GDF7: variants seen among roughly 807,000 people sequenced by gnomAD.
GDF7 encodes growth/differentiation factor 7.
Under a neutral mutation model 13.4 loss-of-function variants are expected in GDF7, and 12 were observed. The observed-to-expected ratio is 0.90, with a 90% confidence interval of 0.57 to 1.45. The LOEUF is 1.45. Ranked by LOEUF, GDF7 falls within the 40% of genes most tolerant of loss-of-function variation. The pLI, the probability that GDF7 is intolerant of heterozygous loss-of-function variation, is 0.00. For synonymous variants in GDF7, 330 were observed against 306.4 expected, an observed-to-expected ratio of 1.08 and a Z score of -0.80; for missense variants, 651 against 652.4, an observed-to-expected ratio of 1.00 and a Z score of 0.02.
chr2:20,670,520 G>A lies in GDF7; in HGVS notation c.448G>A (p.Asp150Asn). 10 of 1,597,284 alleles carry A rather than the reference G, an allele frequency of 6.3e-6. 1 individual carries two copies. The highest frequency in any genetic ancestry group is 4.5e-5 in the South Asian group (4 of 88,218). The change falls in exon 2 of 2, where the codon GAC becomes AAC. Residue 150 changes from aspartate to asparagine, a missense_variant. Asp to Asn is a conservative substitution (Grantham distance 23). This residue lies in a region of GDF7 where 487 missense variants were observed against 445.9 expected (regional missense o/e 1.09). Coordinates refer to ENST00000272224, the MANE Select transcript of GDF7 (RefSeq NM_182828.4). ...SFLFDVSSLN[D>N]ADEVVGAELR... Reference sequence around the variant, plus strand: ...CCTGTTCGACGTGTCCAGCCTTAACGACGCAGACGAGGTGGTGGGTGCCGA... The same window carrying A: ...CCTGTTCGACGTGTCCAGCCTTAACAACGCAGACGAGGTGGTGGGTGCCGA...
chr2:20,672,154 C>T lies in GDF7; in HGVS notation c.*729C>T, dbSNP rs1453599241. The T allele has an allele frequency of 2.3e-5, 3 of 130,622 alleles. No homozygotes were observed. The highest frequency in any genetic ancestry group is 7.6e-5 in the Admixed American group (1 of 13,194). The allele number at this position is 130,622 out of a possible 1,614,324, so 8.1% of individuals were successfully genotyped here. A position where few individuals can be genotyped will look rare whatever the true frequency, so the allele number is the denominator to read the frequency against. On this transcript the variant is annotated 3_prime_UTR_variant, in exon 2 of 2. Coordinates refer to ENST00000272224, the MANE Select transcript of GDF7 (RefSeq NM_182828.4). ...TTTTTTTTTTTTTTTTTAATCAATT[C>T]CAATAGGAAATGTTATGGAAAGTGG...
chr2:20,670,406 G>A, intron 1 of GDF7, 58 bp from the exon 2 acceptor site: 1 of 1,445,222 alleles, frequency 6.9e-7, no homozygotes, highest in Non-Finnish European at 9.1e-7. Context: ...CGCGCTGACA[G>A]TGTGCAGGAT....
Position 20,673,348 on chromosome 2 carries a change from C to T in GDF7, c.*1923C>T, listed in dbSNP as rs900827251. ...TTCAGGTTAAAAATTTTAAAAATAT[C>T]CAAAAGTGGCTGCTCTGGTACAATT... On this transcript the variant is annotated 3_prime_UTR_variant, in exon 2 of 2. Coordinates refer to ENST00000272224, the MANE Select transcript of GDF7 (RefSeq NM_182828.4). The T allele has an allele frequency of 6.6e-6, 1 of 152,054 alleles. No individual in the cohort carries two copies. Among genetic ancestry groups the T allele is most frequent in the African/African-American group, 2.4e-5 (1 of 41,398 alleles). 9.4% of individuals were successfully genotyped at this position (152,054 alleles called of 1,614,324 possible).
rs1662129569 is a variant in GDF7, at chr2:20,671,636, C to A, written c.*211C>A. 8.5e-6 allele frequency: 5 copies of A among 590,208 alleles called. No homozygotes were observed. In the South Asian group the frequency reaches 1.0e-4, roughly 12 times the overall value. The allele number at this position is 590,208 out of a possible 1,614,324, so 36.6% of individuals were successfully genotyped here. A position where few individuals can be genotyped will look rare whatever the true frequency, so the allele number is the denominator to read the frequency against. On this transcript the variant is annotated 3_prime_UTR_variant, in exon 2 of 2. Coordinates refer to ENST00000272224, the MANE Select transcript of GDF7 (RefSeq NM_182828.4). The stretch of plus-strand genomic sequence containing the variant: ...ATGTGAAAGCCTTGGGAAGAGATGA[C>A]CTGCCGGTACCGAATGTCAAAGCCC...
chr2:20,671,224 C>T lies in GDF7; in HGVS notation c.1152C>T (p.Phe384=), dbSNP rs1469601549. 6.2e-7 allele frequency: 1 copy of T among 1,613,898 alleles called. No homozygotes were observed. The highest frequency in any genetic ancestry group is 1.7e-5 in the Admixed American group (1 of 60,008). ...ACCACTGCGAGGGCCTTTGCGACTT[C>T]CCTTTGCGTTCGCACCTCGAGCCCA... ...EAYHCEGLCD[F]PLRSHLEPTN... The change falls in exon 2 of 2, where the codon TTC becomes TTT. Residue 384 remains phenylalanine (F), a synonymous_variant. Transcript: ENST00000272224.
chr2:20,668,488 T>TA (rs2149310551), intron 1 of GDF7, among the ~76,000 whole-genome samples: 1 of 152,302 alleles, frequency 6.6e-6, no homozygotes, highest in Admixed American at 6.5e-5. Flanking sequence ...AGCAGACAGA[T>TA]AGAGAAAATT....
At position 20,671,558 on chromosome 2, in the gene GDF7, C is replaced by A; in HGVS notation, c.*133C>A. On this transcript the variant is annotated 3_prime_UTR_variant, in exon 2 of 2. Coordinates refer to ENST00000272224, the MANE Select transcript of GDF7 (RefSeq NM_182828.4). Reference sequence around the variant, plus strand: ...ACCCTCTCAGAGGAGGGAGAGCACACGTTCACACTCACACACACTCGTGCA... The same window carrying A: ...ACCCTCTCAGAGGAGGGAGAGCACAAGTTCACACTCACACACACTCGTGCA... The A allele has an allele frequency of 1.2e-6, 1 of 830,924 alleles. No homozygotes were observed. The highest frequency in any genetic ancestry group is 1.9e-6 in the Non-Finnish European group (1 of 534,140). 51.5% of individuals were successfully genotyped at this position (830,924 alleles called of 1,614,324 possible). A position where few individuals can be genotyped will look rare whatever the true frequency, so the allele number is the denominator to read the frequency against.
In GDF7 at chr2:20,667,719, G is replaced by C; in HGVS notation, c.391+89G>C. The C allele has an allele frequency of 2.8e-6, 3 of 1,054,874 alleles. No individual in the cohort carries two copies. The highest frequency in any genetic ancestry group is 3.7e-6 in the Non-Finnish European group (3 of 816,086). The allele number at this position is 1,054,874 out of a possible 1,614,324, so 65.3% of individuals were successfully genotyped here. A position where few individuals can be genotyped will look rare whatever the true frequency, so the allele number is the denominator to read the frequency against. On this transcript the variant is annotated intron_variant, in intron 1 of 1. Transcript: ENST00000272224. This position sits in a 1 kb window ranked among gnomAD's most constrained non-coding sequence, Gnocchi z 6.4. ...CCGTGCCGCAGCTCCGTTACATTTG[G>C]AGCCGCGGCCCCATGCGGCCCACCC...
At position 20,677,618 on chromosome 2, in the gene GDF7, C is replaced by T. The variant is rs1177147127; in HGVS notation, c.*6193C>T. On this transcript the variant is annotated 3_prime_UTR_variant, in exon 2 of 2. Coordinates refer to ENST00000272224, the MANE Select transcript of GDF7 (RefSeq NM_182828.4). Reference sequence around the variant, plus strand: ...CTTCCGAGTAAGGTTCGTTAACAGGCATCCTGCTGAATTAGAAGGAAACAG... The same window carrying T: ...CTTCCGAGTAAGGTTCGTTAACAGGTATCCTGCTGAATTAGAAGGAAACAG... The T allele has an allele frequency of 6.6e-6, 1 of 152,282 alleles. No homozygotes were observed. Among genetic ancestry groups the T allele is most frequent in the Admixed American group, 6.5e-5 (1 of 15,292 alleles). The allele number at this position is 152,282 out of a possible 1,614,324, so 9.4% of individuals were successfully genotyped here.
Position 20,667,507 on chromosome 2 carries a change from C to A in GDF7, c.268C>A (p.His90Asn), listed in dbSNP as rs1695987827. Reference protein sequence around the residue: ...GFRNGSVVPHHFMMSLYRSLA... With the variant: ...GFRNGSVVPHNFMMSLYRSLA... ...CAGGAACGGCTCGGTGGTGCCGCAC[C>A]ACTTCATGATGTCGCTTTACCGGAG... The change falls in exon 1 of 2, where the codon CAC becomes AAC. Residue 90 changes from histidine (H) to asparagine (N), a missense_variant. Transcript: ENST00000272224. This position sits in a 1 kb window ranked among gnomAD's most constrained non-coding sequence, Gnocchi z 6.4. 2.2e-6 allele frequency: 3 copies of A among 1,379,026 alleles called. No individual in the cohort carries two copies. The highest frequency in any genetic ancestry group is 2.8e-6 in the Non-Finnish European group (3 of 1,069,686). The allele number at this position is 1,379,026 out of a possible 1,614,324, so 85.4% of individuals were successfully genotyped here. A position where few individuals can be genotyped will look rare whatever the true frequency, so the allele number is the denominator to read the frequency against.
At position 20,675,252 on chromosome 2, in the gene GDF7, A is replaced by C. The variant is rs1225007204; in HGVS notation, c.*3827A>C. On this transcript the variant is annotated 3_prime_UTR_variant, in exon 2 of 2. Transcript: ENST00000272224. ...TGAGTCAGATCGCGCAGTGAGCTGG[A>C]GGGAGCGAGGCTCTGAAAGCAGCAG... is the stretch of plus-strand genomic sequence containing the variant. The C allele has an allele frequency of 6.8e-6, 1 of 147,732 alleles. No homozygotes were observed. Among genetic ancestry groups the C allele is most frequent in the Non-Finnish European group, 1.5e-5 (1 of 65,878 alleles). The allele number at this position is 147,732 out of a possible 1,614,324, so 9.2% of individuals were successfully genotyped here. A position where few individuals can be genotyped will look rare whatever the true frequency, so the allele number is the denominator to read the frequency against.
At position 20,677,266 on chromosome 2, in the gene GDF7, G is replaced by A. The variant is rs1662246980; in HGVS notation, c.*5841G>A. 6.6e-6 allele frequency: 1 copy of A among 152,258 alleles called. No individual in the cohort carries two copies. The highest frequency in any genetic ancestry group is 6.5e-5 in the Admixed American group (1 of 15,282). 9.4% of individuals were successfully genotyped at this position (152,258 alleles called of 1,614,324 possible). A position where few individuals can be genotyped will look rare whatever the true frequency, so the allele number is the denominator to read the frequency against. On this transcript the variant is annotated 3_prime_UTR_variant, in exon 2 of 2. Transcript: ENST00000272224. ...TTTTCTATGTCAGTAAGGGGATGCT[G>A]AAATAAACTGTCTAGAAAAACAAGA...
In GDF7 at chr2:20,667,508, A is replaced by G. The variant is rs761324069; in HGVS notation, c.269A>G (p.His90Arg). Residue 90 changes from histidine (H) to arginine (R), a missense_variant, in exon 1 of 2, where the codon CAC becomes CGC. Around this residue, in one of 4 missense-constraint regions of GDF7, gnomAD observed 487 missense variants for 445.9 expected, o/e 1.09. Coordinates refer to ENST00000272224, the MANE Select transcript of GDF7 (RefSeq NM_182828.4). The surrounding 1 kb of genome is among the most constrained non-coding windows in gnomAD (Gnocchi z 6.4). ...GFRNGSVVPH[H>R]FMMSLYRSLA... ...AGGAACGGCTCGGTGGTGCCGCACCACTTCATGATGTCGCTTTACCGGAGC... is the reference window on the plus strand; with the variant it reads ...AGGAACGGCTCGGTGGTGCCGCACCGCTTCATGATGTCGCTTTACCGGAGC... The G allele has an allele frequency of 5.8e-5, 80 of 1,379,210 alleles. No individual in the cohort carries two copies. Among genetic ancestry groups the G allele is most frequent in the Non-Finnish European group, 7.0e-5 (75 of 1,070,550 alleles). The allele number at this position is 1,379,210 out of a possible 1,614,324, so 85.4% of individuals were successfully genotyped here.
chr2:20,670,354 C>G (rs1662093255), intron 1 of GDF7, 110 bp from the exon 2 acceptor site: 1 of 1,211,912 alleles, frequency 8.3e-7, no homozygotes, highest in Non-Finnish European at 1.1e-6. Context: ...AGGCCTGGCT[C>G]CCACATCGAA....
In GDF7 at chr2:20,667,185, G is replaced by T; in HGVS notation, c.-55G>T. The stretch of plus-strand genomic sequence containing the variant: ...AACACTATGTTCAAAAGGCGCCGGG[G>T]GACTTCCCGGAGCCACGGAGCCCGC... On this transcript the variant is annotated 5_prime_UTR_variant, in exon 1 of 2. Transcript: ENST00000272224. This position sits in a 1 kb window ranked among gnomAD's most constrained non-coding sequence, Gnocchi z 6.4. 9.0e-7 allele frequency: 1 copy of T among 1,110,382 alleles called. No individual in the cohort carries two copies. The allele number at this position is 1,110,382 out of a possible 1,614,324, so 68.8% of individuals were successfully genotyped here. A position where few individuals can be genotyped will look rare whatever the true frequency, so the allele number is the denominator to read the frequency against.
Position 20,671,149 on chromosome 2 carries a change from G to A in GDF7, c.1077G>A (p.Lys359=). Reference sequence around the variant, plus strand: ...GCAAGCCGTTGCACGTGGACTTCAAGGAGCTCGGCTGGGACGACTGGATCA... The same window carrying A: ...GCAAGCCGTTGCACGTGGACTTCAAAGAGCTCGGCTGGGACGACTGGATCA... ...CSRKPLHVDF[K]ELGWDDWIIA... The change falls in exon 2 of 2, where the codon AAG becomes AAA. Residue 359 remains lysine (K), a synonymous_variant. Transcript: ENST00000272224. 1.2e-6 allele frequency: 2 copies of A among 1,612,870 alleles called. No individual in the cohort carries two copies. The highest frequency in any genetic ancestry group is 2.2e-5 in the South Asian group (2 of 91,052).
chr2:20,670,748 C>A lies in GDF7; in HGVS notation c.676C>A (p.Pro226Thr). ...AMRRHRREPRPPRAFCLLLRA... is the reference protein window; with the variant it reads ...AMRRHRREPRTPRAFCLLLRA... ...GAGGCGCCACCGTCGTGAACCGCGCCCCCCCCGCGCGTTCTGCCTCTTGCT... is the reference window on the plus strand; with the variant it reads ...GAGGCGCCACCGTCGTGAACCGCGCACCCCCCGCGCGTTCTGCCTCTTGCT... The change falls in exon 2 of 2, where the codon CCC becomes ACC. Residue 226 changes from proline (P) to threonine (T), a missense_variant. By Grantham distance (38) the Pro-to-Thr change is conservative. Around this residue, in one of 4 missense-constraint regions of GDF7, gnomAD observed 487 missense variants for 445.9 expected, o/e 1.09. Transcript: ENST00000272224. The A allele has an allele frequency of 1.3e-6, 2 of 1,482,946 alleles. No homozygotes were observed. The highest frequency in any genetic ancestry group is 1.8e-6 in the Non-Finnish European group (2 of 1,122,592). 91.9% of individuals were successfully genotyped at this position (1,482,946 alleles called of 1,614,324 possible).
At position 20,670,917 on chromosome 2, in the gene GDF7, G is replaced by C. The variant is rs368425605; in HGVS notation, c.845G>C (p.Arg282Pro). 2.6e-6 allele frequency: 4 copies of C among 1,567,384 alleles called. No individual in the cohort carries two copies. Among genetic ancestry groups the C allele is most frequent in the Non-Finnish European group, 3.4e-6 (4 of 1,165,844 alleles). ...ACGCAGAGGAAAGAGAGCTTATTCC[G>C]GGAGATCCGCGCCCAGGCCCGCGCG... is the stretch of plus-strand genomic sequence containing the variant. ...SRTQRKESLF[R>P]EIRAQARALG... The change falls in exon 2 of 2, where the codon CGG becomes CCG. Residue 282 changes from arginine (R) to proline (P), a missense_variant. Physicochemically the swap from Arg to Pro is moderately radical, Grantham distance 103. Around this residue, in one of 4 missense-constraint regions of GDF7, gnomAD observed 487 missense variants for 445.9 expected, o/e 1.09. Coordinates refer to ENST00000272224, the MANE Select transcript of GDF7 (RefSeq NM_182828.4).
Position 20,671,520 on chromosome 2 carries a change from G to C in GDF7, c.*95G>C. 3 of 1,328,948 alleles carry C rather than the reference G, an allele frequency of 2.3e-6. No homozygotes were observed. Among genetic ancestry groups the C allele is most frequent in the East Asian group, 2.5e-5 (1 of 40,366 alleles). The allele number at this position is 1,328,948 out of a possible 1,614,324, so 82.3% of individuals were successfully genotyped here. A position where few individuals can be genotyped will look rare whatever the true frequency, so the allele number is the denominator to read the frequency against. ...TGTCACCGAGCGTGGGTGCATGTCC[G>C]ATGTGACCCAGCACCCTCTCAGAGG... On this transcript the variant is annotated 3_prime_UTR_variant, in exon 2 of 2. Coordinates refer to ENST00000272224, the MANE Select transcript of GDF7 (RefSeq NM_182828.4).
Sources: gnomAD v4.1 joint callset for allele counts (sites outside exome capture counted in the v4.1 genomes callset) on GRCh38, gnomAD v4.1.1 for gene constraint, gnomAD v4.1.1 regional missense constraint, Gnocchi (gnomAD v3.1) non-coding constraint, MANE v1.5 for transcripts, NCBI Gene and HGNC (gene_info 2026-07-23, HGNC 2026-07-21) for gene names.